FAM13A: variants seen among roughly 807,000 people sequenced by gnomAD.
The protein encoded by FAM13A is protein FAM13A.
A neutral mutation model predicts 129.6 loss-of-function variants in FAM13A; 76 were observed. That is an observed-to-expected ratio of 0.59 (90% CI 0.49 to 0.71). The LOEUF is 0.71. FAM13A is among the 30% of genes least tolerant of loss of function. The probability of loss-of-function intolerance (pLI) is 0.00; values close to 1 mark genes in which losing one functional copy is unlikely to be tolerated. For synonymous variants in FAM13A, 443 were observed against 449.9 expected (o/e 0.98, Z 0.20); for missense variants, 1,108 against 1,249.3 (o/e 0.89, Z 1.70).
At chr4:88,813,716 C>T (rs1176373257) in intron 7 of FAM13A, among the ~76,000 whole-genome samples, 1 of 152,174 alleles carries the variant, frequency 6.6e-6, no homozygotes, top group Non-Finnish European at 1.5e-5. Context: ...ACACCCCTCA[C>T]CTCAGCCAGA....
In FAM13A at chr4:88,726,126, A is replaced by G. The variant is rs1319610574; in HGVS notation, c.*2407T>C. ...CTTTGTGAAGCCAATTAATTAAGAC[A>G]CCGCCTCTAGTGCCTTGAGATTCTG... is the stretch of plus-strand genomic sequence containing the variant. On this transcript the variant is annotated 3_prime_UTR_variant, in exon 24 of 24. Coordinates refer to ENST00000264344, the MANE Select transcript of FAM13A (RefSeq NM_014883.4). The G allele has an allele frequency of 6.6e-6, 1 of 152,198 alleles. No individual in the cohort carries two copies. Among genetic ancestry groups the G allele is most frequent in the Non-Finnish European group, 1.5e-5 (1 of 68,042 alleles). The allele number at this position is 152,198 out of a possible 1,614,324, so 9.4% of individuals were successfully genotyped here.
In FAM13A at chr4:89,043,308, TG is replaced by T. The variant is rs1029020402; in HGVS notation, c.27+13629del. 5.3e-5 allele frequency among the ~76,000 whole-genome samples: 8 copies of T among 152,128 alleles called. No individual in the cohort carries two copies. In the East Asian group the frequency reaches 1.4e-3, roughly 26 times the overall value. ...CTAACTAAGAGTGAGTGTATCACCT[TG>T]GGAGGCAAGTTTATGAAGAAAAGAC... On this transcript the variant is annotated intron_variant, in intron 1 of 23. Coordinates refer to ENST00000264344, the MANE Select transcript of FAM13A (RefSeq NM_014883.4).
At position 88,791,642 on chromosome 4, in the gene FAM13A, TAG is replaced by T. The variant is rs751077737; in HGVS notation, c.1050-1017_1050-1016del. ...TCCTAATAGTTCTTTTCTTTCTTTG[TAG>T]AGACATTCAAAGAAAATCAAAGTTG... On this transcript the variant is annotated intron_variant, in intron 8 of 23. Coordinates refer to ENST00000264344, the MANE Select transcript of FAM13A (RefSeq NM_014883.4). Among the ~76,000 whole-genome samples, 10 of 152,246 alleles carry T rather than the reference TAG, an allele frequency of 6.6e-5. No individual in the cohort carries two copies. In the East Asian group the frequency reaches 1.9e-3, roughly 29 times the overall value.
intron 5 of FAM13A, among the ~76,000 whole-genome samples, chr4:88,924,941 G>A (rs7665826): frequency 0.17 from 25,537 of 148,782 alleles, 2,089 homozygotes; most frequent in Non-Finnish European, 0.19. Flanking sequence ...GCAGCCAAAA[G>A]ACACATGAAA....
At chr4:88,825,268 T>G (rs1040075167) in intron 7 of FAM13A, among the ~76,000 whole-genome samples, 2 of 151,096 alleles carry the variant, frequency 1.3e-5, no homozygotes, top group East Asian at 3.9e-4. Flanking sequence ...CAGGCTGGAG[T>G]GCAGTGGCGT....
intron 13 of FAM13A, among the ~76,000 whole-genome samples, chr4:88,759,676 C>T (rs548433145): frequency 6.6e-6 from 1 of 152,160 alleles, no homozygotes; most frequent in East Asian, 1.9e-4. Context: ...AAATACGCAA[C>T]TGTCACTTGT....
intron 8 of FAM13A, among the ~76,000 whole-genome samples, chr4:88,793,588 A>G (rs2149687071): frequency 6.6e-6 from 1 of 152,088 alleles, no homozygotes; most frequent in East Asian, 1.9e-4. Context: ...TTGGCTCTGC[A>G]GTTGATTAGA....
At chr4:88,957,875 T>C (rs905896845) in intron 4 of FAM13A, among the ~76,000 whole-genome samples, 10 of 152,174 alleles carry the variant, frequency 6.6e-5, no homozygotes, top group African/African-American at 2.4e-4. Flanking sequence ...TTGTGGAAGT[T>C]TGAACTTTAG....
chr4:88,896,313 T>TAATGC (rs1351719366), intron 6 of FAM13A, among the ~76,000 whole-genome samples: 2 of 151,606 alleles, frequency 1.3e-5, no homozygotes, highest in Non-Finnish European at 2.9e-5. Context: ...GAGATACACC[T>TAATGC]AATGCTAGAT....
At position 88,746,940 on chromosome 4, in the gene FAM13A, C is replaced by T; in HGVS notation, c.2458G>A (p.Gly820Arg). Residue 820 changes from glycine to arginine, a missense_variant, in exon 19 of 24, where the codon GGA becomes AGA. Around this residue, in one of 3 missense-constraint regions of FAM13A, gnomAD observed 529 missense variants for 621.2 expected, o/e 0.85. Transcript: ENST00000264344. Reference sequence around the variant, plus strand: ...TTTACTACATCACATACCGGCCGTCCATGAATGCTTTCATAATATAACAGA... The same window carrying T: ...TTTACTACATCACATACCGGCCGTCTATGAATGCTTTCATAATATAACAGA... ...KALLYYESIHGRPVTKNERQV... is the reference protein window; with the variant it reads ...KALLYYESIHRRPVTKNERQV... The T allele has an allele frequency of 6.2e-7, 1 of 1,610,910 alleles. No homozygotes were observed. The highest frequency in any genetic ancestry group is 2.2e-5 in the East Asian group (1 of 44,840).
At chr4:88,940,166 G>C (rs999877963) in intron 4 of FAM13A, among the ~76,000 whole-genome samples, 1 of 152,180 alleles carries the variant, frequency 6.6e-6, no homozygotes, top group African/African-American at 2.4e-5. Flanking sequence ...ATGTGGAAGT[G>C]GCTTGGGAAC....
chr4:88,804,983 A>G (rs1292966715), intron 8 of FAM13A, 28 bp downstream of exon 8: 2 of 1,385,880 alleles, frequency 1.4e-6, no homozygotes, highest in Admixed American at 1.7e-5. Context: ...TATTCCCTGT[A>G]GTAGACCAAC....
rs937506438 is a variant in FAM13A, at chr4:88,898,002, A to T, written c.843+8377T>A. Among the ~76,000 whole-genome samples the T allele has an allele frequency of 3.9e-5, 6 of 152,302 alleles. No individual in the cohort carries two copies. The East Asian group carries it at 1.2e-3, about 29-fold the overall frequency. On this transcript the variant is annotated intron_variant, in intron 6 of 23. Coordinates refer to ENST00000264344, the MANE Select transcript of FAM13A (RefSeq NM_014883.4). The stretch of plus-strand genomic sequence containing the variant: ...ACTTAACCAATGAAGTAATTTCTCT[A>T]TGGAATTAGTTGGTCATAAACCATC...
At chr4:88,919,133 T>C (rs887034635) in intron 5 of FAM13A, among the ~76,000 whole-genome samples, 1 of 152,356 alleles carries the variant, frequency 6.6e-6, no homozygotes, top group South Asian at 2.1e-4. Flanking sequence ...AACTAAATTA[T>C]ATAAGTACCA....
At chr4:88,912,568 TAC>T (rs71594867) in intron 5 of FAM13A, among the ~76,000 whole-genome samples, 52,891 of 145,800 alleles carry the variant, frequency 0.36, 9,528 homozygotes, top group East Asian at 0.59. Flanking sequence ...CACACATACA[TAC>T]ACACACACAC....
chr4:88,953,786 T>C (rs566745410), intron 4 of FAM13A, among the ~76,000 whole-genome samples: 1 of 152,244 alleles, frequency 6.6e-6, no homozygotes, highest in Non-Finnish European at 1.5e-5. Flanking sequence ...ATCCATTTCC[T>C]TCCTTTGTAT....
intron 4 of FAM13A, among the ~76,000 whole-genome samples, chr4:88,940,680 G>C (rs1264988107): frequency 6.6e-6 from 1 of 152,180 alleles, no homozygotes; most frequent in Non-Finnish European, 1.5e-5. Flanking sequence ...TCAAAAGCTG[G>C]TTTTATGCAG....
In FAM13A at chr4:89,038,889, C is replaced by T. The variant is rs532986529; in HGVS notation, c.28-9240G>A. ...ATTTTCATAGTGTCAAAAAGATTAC[C>T]TCACAGATTATATACTCATTGCAAA... is the stretch of plus-strand genomic sequence containing the variant. On this transcript the variant is annotated intron_variant, in intron 1 of 23. Transcript: ENST00000264344. Among the ~76,000 whole-genome samples the T allele has an allele frequency of 4.6e-5, 7 of 152,176 alleles. No homozygotes were observed. In the South Asian group the frequency reaches 1.5e-3, roughly 32 times the overall value.
intron 3 of FAM13A, among the ~76,000 whole-genome samples, chr4:89,015,586 A>G (rs1410401619): frequency 5.9e-5 from 9 of 152,222 alleles, no homozygotes; most frequent in Admixed American, 5.9e-4. Context: ...CTGTGATAAA[A>G]TTTATTTCCT....
Sources: gnomAD v4.1 joint callset for allele counts (sites outside exome capture counted in the v4.1 genomes callset) on GRCh38, gnomAD v4.1.1 for gene constraint, gnomAD v4.1.1 regional missense constraint, MANE v1.5 for transcripts, NCBI Gene and HGNC (gene_info 2026-07-23, HGNC 2026-07-21) for gene names.